NBEA: variants seen among roughly 807,000 people sequenced by gnomAD.
The protein encoded by NBEA is neurobeachin, also known as lysosomal-trafficking regulator 2.
A neutral mutation model predicts 343.4 loss-of-function variants in NBEA; 44 were observed. The observed-to-expected ratio is 0.13, with a 90% confidence interval of 0.10 to 0.16. NBEA has a LOEUF of 0.16. Ranked by LOEUF, NBEA falls within the 10% of genes least tolerant of loss-of-function variation. The pLI is 1.00. For missense variants in NBEA, 2,555 were observed against 3,631.3 expected (o/e 0.70, Z 7.62); for synonymous variants, 1,175 against 1,238.7 (o/e 0.95, Z 1.08).
chr13:35,548,836 T>C (rs1006061080), intron 41 of NBEA, among the ~76,000 whole-genome samples: 8 of 152,154 alleles, frequency 5.3e-5, no homozygotes, highest in Non-Finnish European at 1.0e-4. Flanking sequence ...ACTATAACCC[T>C]TTTGTGAAAT....
At chr13:35,085,979 A>G (rs1366219904) in intron 10 of NBEA, among the ~76,000 whole-genome samples, 5 of 152,180 alleles carry the variant, frequency 3.3e-5, no homozygotes, top group Admixed American at 6.6e-5. Flanking sequence ...CCCATTCACA[A>G]TTGCTTCAAA....
At chr13:35,360,498 T>G (rs546699653) in intron 38 of NBEA, among the ~76,000 whole-genome samples, 1 of 152,142 alleles carries the variant, frequency 6.6e-6, no homozygotes, top group East Asian at 1.9e-4. Flanking sequence ...AAGGAAAATC[T>G]CACCGTTTCT....
intron 18 of NBEA, among the ~76,000 whole-genome samples, chr13:35,153,374 A>G (rs1274129361): frequency 6.6e-6 from 1 of 152,018 alleles, no homozygotes. Context: ...TTGTTACTTT[A>G]TTGGGGCATG....
chr13:35,187,829 CTTTCT>C (rs1233736330), intron 30 of NBEA, among the ~76,000 whole-genome samples: 1 of 152,054 alleles, frequency 6.6e-6, no homozygotes, highest in Admixed American at 6.6e-5. Context: ...TCATGCTATT[CTTTCT>C]TTTGCTCACT....
Position 35,672,372 on chromosome 13 carries a change from C to T in NBEA, c.*1381C>T, listed in dbSNP as rs1485916134. 2 of 152,632 alleles carry T rather than the reference C, an allele frequency of 1.3e-5. No individual in the cohort carries two copies. The highest frequency in any genetic ancestry group is 1.3e-4 in the Admixed American group (2 of 15,288). 9.5% of individuals were successfully genotyped at this position (152,632 alleles called of 1,614,324 possible). A position where few individuals can be genotyped will look rare whatever the true frequency, so the allele number is the denominator to read the frequency against. On this transcript the variant is annotated 3_prime_UTR_variant, in exon 59 of 59. Coordinates refer to ENST00000379939, the MANE Select transcript of NBEA (RefSeq NM_001385012.1). ...TTGTATTGGCACTTTGCACCAGAAA[C>T]ATATCATTATTTATTGATGTGATTA...
intron 48 of NBEA, among the ~76,000 whole-genome samples, chr13:35,615,170 G>A (rs1347179864): frequency 6.7e-6 from 1 of 148,880 alleles, no homozygotes; most frequent in Admixed American, 6.7e-5. Context: ...AGGCATGGTG[G>A]TACATAGTCC....
chr13:35,348,050 G>A (rs1245225879), intron 36 of NBEA, among the ~76,000 whole-genome samples: 1 of 152,100 alleles, frequency 6.6e-6, no homozygotes, highest in East Asian at 1.9e-4. Flanking sequence ...TGGCTCACAG[G>A]AAGTCACAGG....
chr13:35,649,295 T>C (rs941976912), intron 51 of NBEA, among the ~76,000 whole-genome samples: 1 of 152,232 alleles, frequency 6.6e-6, no homozygotes, highest in Non-Finnish European at 1.5e-5. Context: ...TTGACTAACT[T>C]TCCCACCAAA....
chr13:35,575,055 G>C (rs2080668129), intron 45 of NBEA, among the ~76,000 whole-genome samples: 1 of 152,076 alleles, frequency 6.6e-6, no homozygotes, highest in Admixed American at 6.6e-5. Flanking sequence ...AATAGATTTT[G>C]CTAATCAAAT....
At chr13:35,443,957 A>G (rs1279075696) in intron 39 of NBEA, among the ~76,000 whole-genome samples, 1 of 151,984 alleles carries the variant, frequency 6.6e-6, no homozygotes, top group Non-Finnish European at 1.5e-5. Flanking sequence ...TTAAGGAAGG[A>G]CGCACTTAAT....
At chr13:35,213,238 G>A (rs1002401788) in intron 33 of NBEA, among the ~76,000 whole-genome samples, 2 of 151,938 alleles carry the variant, frequency 1.3e-5, no homozygotes, top group African/African-American at 4.8e-5. Context: ...TTTTCCCTGT[G>A]TTCTGTCACT....
At chr13:35,211,499 G>A (rs1191803308) in intron 33 of NBEA, among the ~76,000 whole-genome samples, 3 of 152,034 alleles carry the variant, frequency 2.0e-5, no homozygotes, top group African/African-American at 7.2e-5. Context: ...GGCATCTTTG[G>A]GGGGTGATAA....
intron 34 of NBEA, among the ~76,000 whole-genome samples, chr13:35,258,386 G>A (rs1043021950): frequency 4.6e-5 from 7 of 151,684 alleles, no homozygotes; most frequent in African/African-American, 7.3e-5. Flanking sequence ...GGCTGGTCTC[G>A]ATCTCCTGAC....
chr13:35,668,406 C>T lies in NBEA; in HGVS notation c.8700C>T (p.Thr2900=), dbSNP rs371704256. Residue 2900 remains threonine (T), a synonymous_variant, in exon 58 of 59, where the codon ACC becomes ACT. Transcript: ENST00000379939. ...GCAGTGACGGCCAGAACCTGGTCAC[C>T]GGAGGGGACAATGGGGTAGTAGAGG... The part of the protein sequence containing the change: ...LLSSDGQNLV[T]GGDNGVVEVW... The T allele has an allele frequency of 7.4e-6, 12 of 1,611,656 alleles. No individual in the cohort carries two copies. Among genetic ancestry groups the T allele is most frequent in the African/African-American group, 2.7e-5 (2 of 74,856 alleles).
intron 11 of NBEA, among the ~76,000 whole-genome samples, chr13:35,105,678 C>T (rs1441805446): frequency 6.6e-6 from 1 of 151,990 alleles, no homozygotes; most frequent in Non-Finnish European, 1.5e-5. Flanking sequence ...CTGAGCTGAT[C>T]ATTGCCTGCC....
At chr13:35,544,214 G>T (rs1406671365) in intron 41 of NBEA, among the ~76,000 whole-genome samples, 1 of 152,088 alleles carries the variant, frequency 6.6e-6, no homozygotes, top group Non-Finnish European at 1.5e-5. Flanking sequence ...AAAAGGGTTT[G>T]CCCAGCCTTC....
chr13:35,312,943 G>A (rs370470758), intron 36 of NBEA, among the ~76,000 whole-genome samples: 3 of 152,172 alleles, frequency 2.0e-5, no homozygotes, highest in Admixed American at 6.5e-5. Context: ...ATAGGCATGG[G>A]CATTTGAGTA....
chr13:34,964,633 AAGG>A (rs2059763029), intron 1 of NBEA, among the ~76,000 whole-genome samples: 1 of 152,000 alleles, frequency 6.6e-6, no homozygotes, highest in South Asian at 2.1e-4. Context: ...AAAGACCAAA[AAGG>A]AGTTGTTTAC....
At chr13:34,974,637 A>C (rs1201652121) in intron 1 of NBEA, among the ~76,000 whole-genome samples, 1 of 152,238 alleles carries the variant, frequency 6.6e-6, no homozygotes, top group Non-Finnish European at 1.5e-5. Flanking sequence ...GAGTACATAC[A>C]AAAATGATGA....
Sources: gnomAD v4.1 joint callset for allele counts (sites outside exome capture counted in the v4.1 genomes callset) on GRCh38, gnomAD v4.1.1 for gene constraint, MANE v1.5 for transcripts, NCBI Gene and HGNC (gene_info 2026-07-23, HGNC 2026-07-21) for gene names.